TSHZ2: variants seen among roughly 807,000 people sequenced by gnomAD.
TSHZ2 encodes the protein teashirt homolog 2.
In TSHZ2, 21 loss-of-function variants were observed where a neutral mutation model predicts 74.4. That is an observed-to-expected ratio of 0.28 (90% confidence interval 0.20 to 0.41). TSHZ2 has a LOEUF of 0.41. TSHZ2 is among the 10% of genes least tolerant of loss of function. The pLI is 1.00. For missense variants in TSHZ2, 1,244 were observed against 1,293.5 expected (o/e 0.96, Z 0.59); for synonymous variants, 540 against 515.3 (o/e 1.05, Z -0.65).
chr20:53,399,529 G>C (rs1982575523), intron 2 of TSHZ2: 1 of 152,192 alleles, frequency 6.6e-6, no homozygotes, highest in Non-Finnish European at 1.5e-5. Context: ...TGGAGCCTCG[G>C]AAGGCATTCG....
At chr20:53,241,550 C>A (rs916451695) in intron 1 of TSHZ2, among the ~76,000 whole-genome samples, 2 of 151,946 alleles carry the variant, frequency 1.3e-5, no homozygotes, top group African/African-American at 4.8e-5. Flanking sequence ...ATGTTAGGAG[C>A]CTGATGAACA....
intron 2 of TSHZ2, among the ~76,000 whole-genome samples, chr20:53,442,761 G>A (rs1308730135): frequency 1.3e-5 from 2 of 152,174 alleles, no homozygotes; most frequent in Admixed American, 1.3e-4. Context: ...TTCAAAAAGC[G>A]TTAGCAAACT....
chr20:53,215,792 C>T (rs1989422058), intron 1 of TSHZ2, among the ~76,000 whole-genome samples: 1 of 149,974 alleles, frequency 6.7e-6, no homozygotes, highest in African/African-American at 2.5e-5. Context: ...AGCTTGAACT[C>T]AGGAAGCGGA....
At chr20:53,105,055 ATT>A (rs1986323821) in intron 1 of TSHZ2, among the ~76,000 whole-genome samples, 1 of 152,158 alleles carries the variant, frequency 6.6e-6, no homozygotes, top group African/African-American at 2.4e-5. Flanking sequence ...TTGGTTAGAG[ATT>A]TCTGCATTCC....
intron 1 of TSHZ2, among the ~76,000 whole-genome samples, chr20:53,025,289 A>C (rs781466144): frequency 1.3e-5 from 2 of 152,196 alleles, no homozygotes; most frequent in East Asian, 3.8e-4. Context: ...AATATGGTTC[A>C]TAATTTTTGA....
chr20:53,398,349 A>G (rs1341339774), intron 2 of TSHZ2: 1 of 152,224 alleles, frequency 6.6e-6, no homozygotes, highest in African/African-American at 2.4e-5. Flanking sequence ...CAAATCATCG[A>G]TTATCTGCCA....
intron 2 of TSHZ2, among the ~76,000 whole-genome samples, chr20:53,347,586 CAATA>C (rs1325927987): frequency 6.6e-6 from 1 of 152,172 alleles, no homozygotes; most frequent in Admixed American, 6.5e-5. Flanking sequence ...TGTCTCTACT[CAATA>C]AACCATAAGC....
chr20:53,195,208 G>A (rs567394951), intron 1 of TSHZ2, among the ~76,000 whole-genome samples: 1 of 152,174 alleles, frequency 6.6e-6, no homozygotes, highest in African/African-American at 2.4e-5. Context: ...GAATGAATGG[G>A]CGTGCTCACC....
At chr20:53,394,761 CAAAAA>C (rs3042185) in intron 2 of TSHZ2, among the ~76,000 whole-genome samples, 6 of 72,370 alleles carry the variant, frequency 8.3e-5, no homozygotes, top group African/African-American at 3.2e-4. Context: ...CAATCTGTCT[CAAAAA>C]AAAAAAAAAA....
At chr20:53,167,718 T>C (rs925191535) in intron 1 of TSHZ2, among the ~76,000 whole-genome samples, 1 of 152,184 alleles carries the variant, frequency 6.6e-6, no homozygotes, top group African/African-American at 2.4e-5. Context: ...CCTGTGTGTT[T>C]GAATGAGAGG....
At chr20:53,010,915 TGGACA>T (rs1982826418) in intron 1 of TSHZ2, among the ~76,000 whole-genome samples, 1 of 152,236 alleles carries the variant, frequency 6.6e-6, no homozygotes, top group African/African-American at 2.4e-5. Flanking sequence ...TTTGTAGAGT[TGGACA>T]TTTTCTTTAT....
At chr20:52,996,832 C>T (rs1982213405) in intron 1 of TSHZ2, among the ~76,000 whole-genome samples, 2 of 152,114 alleles carry the variant, frequency 1.3e-5, no homozygotes, top group Admixed American at 6.5e-5. Flanking sequence ...AAGCTGAGGT[C>T]CCTGGCTGCT....
intron 1 of TSHZ2, among the ~76,000 whole-genome samples, chr20:53,204,546 C>T (rs2123589434): frequency 6.6e-6 from 1 of 151,996 alleles, no homozygotes; most frequent in Non-Finnish European, 1.5e-5. Flanking sequence ...TATGAAATTC[C>T]ATGCATAGCT....
chr20:52,978,888 A>C (rs1380327260), intron 1 of TSHZ2, among the ~76,000 whole-genome samples: 3 of 152,216 alleles, frequency 2.0e-5, no homozygotes, highest in African/African-American at 7.2e-5. Flanking sequence ...CTATCTTTAT[A>C]GAGTCTGCTT....
chr20:53,417,867 T>C (rs1416919060), intron 2 of TSHZ2, among the ~76,000 whole-genome samples: 1 of 152,168 alleles, frequency 6.6e-6, no homozygotes, highest in Non-Finnish European at 1.5e-5. Context: ...ATAAAAGTAA[T>C]CACTCATTCA....
intron 2 of TSHZ2, chr20:53,421,664 T>C (rs1983468839): frequency 6.3e-6 from 1 of 158,850 alleles, no homozygotes; most frequent in Admixed American, 6.3e-5. Context: ...CTCTAATGAG[T>C]TTATCTTATG....
chr20:53,130,685 A>G (rs1010874009), intron 1 of TSHZ2, among the ~76,000 whole-genome samples: 4 of 152,196 alleles, frequency 2.6e-5, no homozygotes, highest in Admixed American at 6.5e-5. Context: ...TTTCAGAGGA[A>G]TGTGTATGTT....
chr20:53,430,156 G>A (rs1324454464), intron 2 of TSHZ2, among the ~76,000 whole-genome samples: 1 of 152,172 alleles, frequency 6.6e-6, no homozygotes. Context: ...CCAGGCTGGA[G>A]TACAGTGGCC....
In TSHZ2 at chr20:53,489,633, C is replaced by T. The variant is rs1006157126; in HGVS notation, c.*2498C>T. 1.9e-5 allele frequency: 3 copies of T among 157,462 alleles called. No homozygotes were observed. The highest frequency in any genetic ancestry group is 1.9e-4 in the South Asian group (1 of 5,294). The allele number at this position is 157,462 out of a possible 1,614,324, so 9.8% of individuals were successfully genotyped here. The stretch of plus-strand genomic sequence containing the variant: ...TAAATCATCTGCTTCAACATATAAT[C>T]GATATGGTTTTGTTAGCGTAATTTC... On this transcript the variant is annotated 3_prime_UTR_variant, in exon 3 of 3. Transcript: ENST00000371497.
Sources: gnomAD v4.1 joint callset for allele counts (sites outside exome capture counted in the v4.1 genomes callset) on GRCh38, gnomAD v4.1.1 for gene constraint, MANE v1.5 for transcripts, NCBI Gene and HGNC (gene_info 2026-07-23, HGNC 2026-07-21) for gene names.